The following C13orf42 variants were observed in gnomAD, a reference collection of about 807,000 sequenced individuals.
C13orf42 encodes uncharacterized protein C13orf42.
intron 1 of C13orf42, among the ~76,000 whole-genome samples, chr13:51,118,271 C>A (rs1260332953): frequency 6.6e-6 from 1 of 152,166 alleles, no homozygotes; most frequent in Admixed American, 6.5e-5. Flanking sequence ...GAGGGAAAAA[C>A]AACTTTCTAG....
chr13:51,153,308 G>A (rs1354769832), intron 1 of C13orf42, among the ~76,000 whole-genome samples: 2 of 151,884 alleles, frequency 1.3e-5, no homozygotes, highest in Non-Finnish European at 2.9e-5. Flanking sequence ...TCAGAGTGTG[G>A]GAGCCAGGCA....
chr13:51,159,358 G>C (rs1953847052), intron 1 of C13orf42, among the ~76,000 whole-genome samples: 1 of 152,168 alleles, frequency 6.6e-6, no homozygotes, highest in Admixed American at 6.5e-5. Context: ...GAGGACTAGG[G>C]AACAGTGTGG....
chr13:51,144,803 G>A (rs1468206980), intron 1 of C13orf42, among the ~76,000 whole-genome samples: 2 of 152,186 alleles, frequency 1.3e-5, no homozygotes, highest in African/African-American at 4.8e-5. Flanking sequence ...CCAGGGCTGG[G>A]CCTGGCTTTA....
intron 1 of C13orf42, among the ~76,000 whole-genome samples, chr13:51,091,291 C>T (rs907898790): frequency 5.3e-5 from 8 of 152,130 alleles, no homozygotes; most frequent in Admixed American, 6.6e-5. Flanking sequence ...ACACTGGTGA[C>T]GTTATTTGTG....
intron 1 of C13orf42, among the ~76,000 whole-genome samples, chr13:51,126,819 C>G (rs1368213419): frequency 6.6e-6 from 1 of 152,102 alleles, no homozygotes; most frequent in South Asian, 2.1e-4. Context: ...TTATTTCTGA[C>G]AAATGAAGAA....
intron 1 of C13orf42, among the ~76,000 whole-genome samples, chr13:51,121,820 C>A (rs2138014396): frequency 6.6e-6 from 1 of 152,246 alleles, no homozygotes; most frequent in East Asian, 1.9e-4. Context: ...CGGGCGTGAG[C>A]CACCGCAACT....
At chr13:51,153,696 G>A (rs1953803354) in intron 1 of C13orf42, among the ~76,000 whole-genome samples, 2 of 128,050 alleles carry the variant, frequency 1.6e-5, no homozygotes, top group South Asian at 5.0e-4. Context: ...CTGGAATGCA[G>A]TGATGCAATC....
At chr13:51,163,589 T>C (rs1265465898) in intron 1 of C13orf42, among the ~76,000 whole-genome samples, 1 of 152,144 alleles carries the variant, frequency 6.6e-6, no homozygotes, top group Non-Finnish European at 1.5e-5. Context: ...AACCCACACC[T>C]AGCAGCCTCC....
intron 1 of C13orf42, among the ~76,000 whole-genome samples, chr13:51,155,803 C>G (rs1360922986): frequency 6.6e-6 from 1 of 152,206 alleles, no homozygotes; most frequent in African/African-American, 2.4e-5. Context: ...AGACTCTGGT[C>G]AGGCATCACA....
Position 51,085,464 on chromosome 13 carries a change from T to TATGC in C13orf42, c.654_657dup (p.Thr220AlafsTer43), listed in dbSNP as rs1223361314. 1 of 398,490 alleles carries TATGC rather than the reference T, an allele frequency of 2.5e-6. No individual in the cohort carries two copies. The highest frequency in any genetic ancestry group is 4.4e-6 in the Non-Finnish European group (1 of 226,082). The allele number at this position is 398,490 out of a possible 1,614,324, so 24.7% of individuals were successfully genotyped here. On this transcript the variant is annotated frameshift_variant, in exon 3 of 4. Transcript: ENST00000563710. LOFTEE classifies it high-confidence loss of function. The stretch of plus-strand genomic sequence containing the variant: ...CTCCTTCGAAACTGGCCGTCTACAG[T>TATGC]ATGCACAGTGTGGGCAGCGATATCC...
chr13:51,160,427 T>G (rs1203207356), intron 1 of C13orf42, among the ~76,000 whole-genome samples: 1 of 152,198 alleles, frequency 6.6e-6, no homozygotes, highest in Non-Finnish European at 1.5e-5. Flanking sequence ...GGAGAGTCAA[T>G]GAACCTGGGA....
chr13:51,117,988 G>C (rs939614370), intron 1 of C13orf42, among the ~76,000 whole-genome samples: 35 of 152,180 alleles, frequency 2.3e-4, no homozygotes, highest in African/African-American at 8.4e-4. Context: ...GAAGGAAAAG[G>C]CTTTGCACAT....
intron 1 of C13orf42, among the ~76,000 whole-genome samples, chr13:51,104,626 C>G (rs1441902739): frequency 1.3e-5 from 2 of 151,950 alleles, no homozygotes; most frequent in African/African-American, 4.8e-5. Flanking sequence ...ATTTATTGTA[C>G]CACACTAAAA....
chr13:51,171,080 C>A (rs926682330), intron 1 of C13orf42, among the ~76,000 whole-genome samples: 10 of 152,052 alleles, frequency 6.6e-5, no homozygotes, highest in African/African-American at 1.9e-4. Flanking sequence ...CCCCCCAACC[C>A]TTCTCCGTGT....
intron 1 of C13orf42, among the ~76,000 whole-genome samples, chr13:51,139,258 T>G (rs551959792): frequency 6.6e-6 from 1 of 152,148 alleles, no homozygotes; most frequent in South Asian, 2.1e-4. Context: ...GAGGTTGCAG[T>G]CAGCCAAGAT....
At chr13:51,125,340 T>C (rs1045074034) in intron 1 of C13orf42, among the ~76,000 whole-genome samples, 5 of 152,230 alleles carry the variant, frequency 3.3e-5, no homozygotes, top group African/African-American at 1.2e-4. Flanking sequence ...TTCTTCTTCT[T>C]GGAAGGAACT....
chr13:51,091,095 C>T (rs1205163649), intron 1 of C13orf42, among the ~76,000 whole-genome samples: 1 of 152,214 alleles, frequency 6.6e-6, no homozygotes, highest in Non-Finnish European at 1.5e-5. Context: ...CAGCAATTAC[C>T]ATCCCAGGAT....
rs1397968298 is a variant in C13orf42 at position 51,171,480 on chromosome 13, C to G, written n.136+773G>C. On this transcript the variant is annotated intron_variant and non_coding_transcript_variant, in intron 1 of 4. Coordinates refer to the C13orf42 transcript ENST00000433280. ...CTGTCCCCTCAGTACCAACCCCAAG[C>G]GTCGCTGAGTCTTTCTAATCTTCCT... Among the ~76,000 whole-genome samples, 10 of 151,952 alleles carry G rather than the reference C, an allele frequency of 6.6e-5. No homozygotes were observed. The South Asian group carries it at 8.3e-4, about 13-fold the overall frequency.
At chr13:51,152,111 GGAAA>G (rs1011021761) in intron 1 of C13orf42, among the ~76,000 whole-genome samples, 4 of 152,240 alleles carry the variant, frequency 2.6e-5, no homozygotes, top group African/African-American at 4.8e-5. Context: ...ACCACAGTGT[GGAAA>G]GAAAGAAACA....
Sources: gnomAD v4.1 joint callset for allele counts (sites outside exome capture counted in the v4.1 genomes callset) on GRCh38, gnomAD v4.1.1 for gene constraint, MANE v1.5 for transcripts, NCBI Gene and HGNC (gene_info 2026-07-23, HGNC 2026-07-21) for gene names.